The following TRPC4AP variants were observed in gnomAD, a reference collection of about 807,000 sequenced individuals.
TRPC4AP encodes the protein short transient receptor potential channel 4-associated protein.
In TRPC4AP, 45 loss-of-function variants were observed where a neutral mutation model predicts 99.0. That is an observed-to-expected ratio of 0.45 (90% CI 0.36 to 0.58). The LOEUF (loss-of-function observed/expected upper bound fraction) is 0.58. Ranked by LOEUF, TRPC4AP falls within the 20% of genes least tolerant of loss-of-function variation. The pLI, the probability that TRPC4AP is intolerant of heterozygous loss-of-function variation, is 0.00. For missense variants in TRPC4AP, 879 were observed against 985.3 expected (o/e 0.89, Z 1.44); for synonymous variants, 408 against 385.8 (o/e 1.06, Z -0.67).
rs1479270980 is a variant in TRPC4AP at position 35,024,854 on chromosome 20, A to AAAAACAT, written c.1052-3499_1052-3498insATGTTTT. ...AAAAAAAAAAAAAAAAAAAAAAAAA[A>AAAAACAT]ATTCTGTTTATTCATTAATCAGGTG... On this transcript the variant is annotated intron_variant, in intron 8 of 18. Coordinates refer to ENST00000252015, the MANE Select transcript of TRPC4AP (RefSeq NM_015638.3). Among the ~76,000 whole-genome samples the AAAAACAT allele has an allele frequency of 8.6e-4, 77 of 89,470 alleles. 5 individuals are homozygous for AAAAACAT. Among genetic ancestry groups the AAAAACAT allele is most frequent in the African/African-American group, 2.1e-3 (53 of 25,574 alleles). The allele number at this position is 89,470 out of a possible 152,430, so 58.7% of individuals were successfully genotyped here. A position where few individuals can be genotyped will look rare whatever the true frequency, so the allele number is the denominator to read the frequency against.
intron 1 of TRPC4AP, among the ~76,000 whole-genome samples, chr20:35,079,860 T>TAA (rs71196784): frequency 1.2e-3 from 173 of 144,480 alleles, no homozygotes; most frequent in East Asian, 5.1e-3. Context: ...CTACTAAAAA[T>TAA]AAAAAAAAAA....
At chr20:35,085,585 T>C (rs1050198828) in intron 1 of TRPC4AP, among the ~76,000 whole-genome samples, 2 of 144,022 alleles carry the variant, frequency 1.4e-5, no homozygotes, top group African/African-American at 5.2e-5. Context: ...CACTCCAGCC[T>C]GGGCAACAGA....
At chr20:35,028,208 TTCC>T (rs2083076171) in intron 8 of TRPC4AP, among the ~76,000 whole-genome samples, 1 of 84,272 alleles carries the variant, frequency 1.2e-5, no homozygotes, top group African/African-American at 3.2e-5. Context: ...CTCAAAATAT[TTCC>T]TTTTTTTTTT....
At chr20:35,090,532 C>A (rs888252440) in intron 1 of TRPC4AP, among the ~76,000 whole-genome samples, 3 of 152,050 alleles carry the variant, frequency 2.0e-5, no homozygotes, top group Non-Finnish European at 2.9e-5. Context: ...TACCACCACG[C>A]CCGGCTAATT....
chr20:35,015,048 G>T (rs1410592882), intron 10 of TRPC4AP, among the ~76,000 whole-genome samples: 1 of 152,174 alleles, frequency 6.6e-6, no homozygotes, highest in Non-Finnish European at 1.5e-5. Flanking sequence ...ACCCAGGCCG[G>T]ATGTGCAGTG....
At position 35,070,572 on chromosome 20, in the gene TRPC4AP, G is replaced by A. The variant is rs534919104; in HGVS notation, c.298-1160C>T. ...ACTACAGGCGCCCGCCACTGCGCCC[G>A]GCTAATTTTTTGTATTTTCAGTAGA... On this transcript the variant is annotated intron_variant, in intron 2 of 18. Transcript: ENST00000252015. Among the ~76,000 whole-genome samples the A allele has an allele frequency of 6.5e-4, 99 of 152,174 alleles. 2 individuals carry two copies. Among genetic ancestry groups the A allele is most frequent in the Admixed American group, 5.6e-3 (85 of 15,288 alleles).
intron 7 of TRPC4AP, among the ~76,000 whole-genome samples, chr20:35,037,478 A>G (rs1400619254): frequency 6.6e-6 from 1 of 152,246 alleles, no homozygotes; most frequent in African/African-American, 2.4e-5. Context: ...TGTTCATAGC[A>G]GCACTATTCC....
chr20:35,092,704 G>A lies in TRPC4AP; in HGVS notation c.78C>T (p.Gly26=), dbSNP rs2085110146. The change falls in exon 1 of 19, where the codon GGC becomes GGT. Residue 26 remains glycine, a synonymous_variant. Coordinates refer to ENST00000252015, the MANE Select transcript of TRPC4AP (RefSeq NM_015638.3). The stretch of plus-strand genomic sequence containing the variant: ...CAGGCCGCGGCCGGCCGCCCCATCC[G>A]CCCCAAGCCGCCACTGTGGCTGCCG... ...RRSAATVAAW[G]GWGGRPRPGN... is the part of the protein sequence containing the mutation. 4 of 1,549,710 alleles carry A rather than the reference G, an allele frequency of 2.6e-6. No individual in the cohort carries two copies. Among genetic ancestry groups the A allele is most frequent in the African/African-American group, 2.8e-5 (2 of 71,118 alleles).
At position 35,092,735 on chromosome 20, in the gene TRPC4AP, C is replaced by G. The variant is rs1025115040; in HGVS notation, c.47G>C (p.Arg16Thr). The stretch of plus-strand genomic sequence containing the variant: ...AGCCGCCACTGTGGCTGCCGACCGT[C>G]TCCCTCGGCCGGCTCCAGACCCAGC... ...VAAGSGAGRG[R>T]RSAATVAAWG... The change falls in exon 1 of 19, where the codon AGA becomes ACA. Residue 16 changes from arginine to threonine, a missense_variant. Transcript: ENST00000252015. 64 of 1,561,594 alleles carry G rather than the reference C, an allele frequency of 4.1e-5. No homozygotes were observed. Among genetic ancestry groups the G allele is most frequent in the Non-Finnish European group, 5.0e-5 (58 of 1,165,172 alleles).
chr20:35,006,833 G>A (rs979876305), intron 14 of TRPC4AP, among the ~76,000 whole-genome samples: 12 of 152,256 alleles, frequency 7.9e-5, no homozygotes, highest in African/African-American at 2.9e-4. Context: ...CCTGTGACCT[G>A]CTCTGTGGTC....
At chr20:35,029,699 G>A (rs578028419) in intron 8 of TRPC4AP, among the ~76,000 whole-genome samples, 7 of 130,044 alleles carry the variant, frequency 5.4e-5, no homozygotes, top group East Asian at 4.8e-4. Context: ...GCAGTGGCGC[G>A]ATCTCGGTTC....
chr20:35,036,472 A>C (rs2083321023), intron 7 of TRPC4AP, among the ~76,000 whole-genome samples: 1 of 152,190 alleles, frequency 6.6e-6, no homozygotes, highest in African/African-American at 2.4e-5. Flanking sequence ...ATAAATAACT[A>C]GATATTTCAG....
intron 12 of TRPC4AP, 51 bp downstream of exon 12, chr20:35,010,136 A>C: frequency 1.3e-6 from 2 of 1,521,306 alleles, no homozygotes; most frequent in Non-Finnish European, 1.8e-6. Context: ...GCCCCCGGGG[A>C]ACGTGGGCAG....
intron 3 of TRPC4AP, among the ~76,000 whole-genome samples, chr20:35,059,902 A>T (rs1426205764): frequency 2.1e-5 from 1 of 46,898 alleles, no homozygotes; most frequent in Non-Finnish European, 5.7e-5. Flanking sequence ...AAGATGAAGA[A>T]GACGAAGACG....
At chr20:35,082,031 G>A (rs1256275196) in intron 1 of TRPC4AP, among the ~76,000 whole-genome samples, 2 of 151,992 alleles carry the variant, frequency 1.3e-5, no homozygotes, top group Non-Finnish European at 2.9e-5. Context: ...AGTACTACCA[G>A]AGATAGGCAC....
At chr20:35,059,257 A>G (rs1048952572) in intron 3 of TRPC4AP, among the ~76,000 whole-genome samples, 1 of 152,256 alleles carries the variant, frequency 6.6e-6, no homozygotes, top group African/African-American at 2.4e-5. Context: ...CCTTATGGCA[A>G]CAAAAGTGAT....
At chr20:35,025,209 T>C (rs1282861946) in intron 8 of TRPC4AP, among the ~76,000 whole-genome samples, 2 of 152,194 alleles carry the variant, frequency 1.3e-5, no homozygotes, top group Non-Finnish European at 2.9e-5. Context: ...GTTTGTTTTT[T>C]CCTCTATCAT....
At chr20:35,088,766 G>A (rs764437904) in intron 1 of TRPC4AP, among the ~76,000 whole-genome samples, 1 of 151,840 alleles carries the variant, frequency 6.6e-6, no homozygotes, top group Admixed American at 6.6e-5. Flanking sequence ...TTTTTCCAAG[G>A]AAATTCCATC....
intron 6 of TRPC4AP, among the ~76,000 whole-genome samples, chr20:35,049,198 T>C (rs1255053006): frequency 6.6e-6 from 1 of 152,114 alleles, no homozygotes. Context: ...ATGAATGTAT[T>C]TTTGGGTATC....
Sources: allele counts gnomAD v4.1 joint callset (sites outside exome capture counted in the v4.1 genomes callset), GRCh38; gene constraint gnomAD v4.1.1; transcripts MANE v1.5; gene names NCBI Gene and HGNC (gene_info 2026-07-23, HGNC 2026-07-21).